TNRC18: variants seen among roughly 807,000 people sequenced by gnomAD.
The protein encoded by TNRC18 is trinucleotide repeat containing 18.
In TNRC18, 69 loss-of-function variants were observed where a neutral mutation model predicts 226.7. The ratio of observed to expected loss-of-function variants is 0.30; its 90% CI spans 0.25 to 0.37. TNRC18 has a LOEUF of 0.37. TNRC18 is among the 10% of genes least tolerant of loss of function. The pLI, the probability that TNRC18 is intolerant of heterozygous loss-of-function variation, is 1.00. For missense variants in TNRC18, 4,754 were observed against 4,256.6 expected, an observed-to-expected ratio of 1.12 and a Z score of -3.25; for synonymous variants, 2,449 against 1,927.6, an observed-to-expected ratio of 1.27 and a Z score of -7.09.
At chr7:5,371,713 T>C (rs1794173616) in intron 10 of TNRC18, among the ~76,000 whole-genome samples, 1 of 152,102 alleles carries the variant, frequency 6.6e-6, no homozygotes, top group South Asian at 2.1e-4. Context: ...TTACCCACCT[T>C]GTGTGGTCTG....
In TNRC18 at chr7:5,313,480, A is replaced by G; in HGVS notation, c.7411T>C (p.Ser2471Pro). ...LVKLDHEGVT[S>P]PKSKKAKEAL... ...TCTTTAGCCTTCTTGCTTTTGGGTGACGTGACACCCTCGTGGTCCAGTTTG... is the reference window on the plus strand; with the variant it reads ...TCTTTAGCCTTCTTGCTTTTGGGTGGCGTGACACCCTCGTGGTCCAGTTTG... The change falls in exon 27 of 30, where the codon TCA becomes CCA. Residue 2471 changes from serine (S) to proline (P), a missense_variant. Coordinates refer to ENST00000430969, the MANE Select transcript of TNRC18 (RefSeq NM_001080495.3). 1 of 1,613,184 alleles carries G rather than the reference A, an allele frequency of 6.2e-7. No homozygotes were observed. Among genetic ancestry groups the G allele is most frequent in the Non-Finnish European group, 8.5e-7 (1 of 1,179,530 alleles).
At chr7:5,354,288 G>A (rs1275441446) in intron 16 of TNRC18, among the ~76,000 whole-genome samples, 5 of 151,872 alleles carry the variant, frequency 3.3e-5, no homozygotes, top group Admixed American at 6.6e-5. Context: ...ACACCAGCTC[G>A]GAGCACCCCA....
At chr7:5,385,229 G>C (rs1421049313) in intron 5 of TNRC18, among the ~76,000 whole-genome samples, 1 of 152,194 alleles carries the variant, frequency 6.6e-6, no homozygotes, top group Admixed American at 6.5e-5. Flanking sequence ...GCTCACGCCT[G>C]TAATCCCAGG....
rs1791853307 is a variant in TNRC18, at chr7:5,351,864, C to G, written c.5425G>C (p.Ala1809Pro). The G allele has an allele frequency of 6.2e-7, 1 of 1,612,214 alleles. No individual in the cohort carries two copies. Among genetic ancestry groups the G allele is most frequent in the Non-Finnish European group, 8.5e-7 (1 of 1,179,122 alleles). The change falls in exon 17 of 30, where the codon GCG (alanine) becomes CCG (proline). Residue 1809 changes from alanine to proline, a missense_variant. Physicochemically the swap from Ala to Pro is conservative, Grantham distance 27 (BLOSUM62 -1). Transcript: ENST00000430969. ...GAAGAGTCGCTGAAGGAGGAACGCG[C>G]CTCGGCCTCTCGAAGCAGCAGACAA... is the stretch of plus-strand genomic sequence containing the variant. ...PFCLLLREAE[A>P]RSSFSDSSEE...
chr7:5,345,521 C>CCCCCCCCCCCCCCCCCCCCCCCCA, intron 18 of TNRC18, 41 bp downstream of exon 18: 3 of 189,874 alleles, frequency 1.6e-5, no homozygotes, highest in East Asian at 3.7e-4. Context: ...GCGTCCGCCC[C>CCCCCCCCCCCCCCCCCCCCCCCCA]TCCCACCCAC....
At chr7:5,316,432 A>C in intron 24 of TNRC18, among the ~76,000 whole-genome samples, 1 of 151,810 alleles carries the variant, frequency 6.6e-6, no homozygotes, top group South Asian at 2.1e-4. Flanking sequence ...GACATGCGCC[A>C]CCATGCCTGG....
intron 29 of TNRC18, among the ~76,000 whole-genome samples, 170 bp downstream of exon 29, chr7:5,308,705 G>A (rs189011699): frequency 8.6e-5 from 13 of 151,864 alleles, no homozygotes; most frequent in African/African-American, 2.9e-4. Flanking sequence ...GCACAGACCA[G>A]AGAGACAGAG....
rs569334900 is a variant in TNRC18 at position 5,322,628 on chromosome 7, C to T, written c.6443-1438G>A. Among the ~76,000 whole-genome samples, 9 of 152,312 alleles carry T rather than the reference C, an allele frequency of 5.9e-5. No homozygotes were observed. In the East Asian group the frequency reaches 9.7e-4, roughly 16 times the overall value. On this transcript the variant is annotated intron_variant, in intron 21 of 29. Transcript: ENST00000430969. Reference sequence around the variant, plus strand: ...CTTTCCATCCACTTTTTCTTTCTGGCGGAAATGAATGCCCGGGGGCAAACT... The same window carrying T: ...CTTTCCATCCACTTTTTCTTTCTGGTGGAAATGAATGCCCGGGGGCAAACT...
chr7:5,378,703 T>A (rs1583986649), intron 5 of TNRC18, among the ~76,000 whole-genome samples: 2 of 150,776 alleles, frequency 1.3e-5, no homozygotes, highest in Non-Finnish European at 3.0e-5. Context: ...CAGGCGTGAG[T>A]CACCGAGCCC....
chr7:5,313,607 G>A lies in TNRC18; in HGVS notation c.7284C>T (p.Ile2428=), dbSNP rs768835676. 1.0e-5 allele frequency: 16 copies of A among 1,603,246 alleles called. No individual in the cohort carries two copies. In the South Asian group the frequency reaches 1.6e-4, roughly 16 times the overall value. Residue 2428 remains isoleucine (I), a synonymous_variant, in exon 27 of 30, where the codon ATC becomes ATT. Coordinates refer to ENST00000430969, the MANE Select transcript of TNRC18 (RefSeq NM_001080495.3). ...PATSLAPAPL[I]TMPATRPKPK... ...GCTTGGGGCGTGTGGCAGGCATGGT[G>A]ATGAGGGGTGCTGGGGCCAGGGAGG... is the stretch of plus-strand genomic sequence containing the variant.
chr7:5,307,984 A>G lies in TNRC18; in HGVS notation c.*122T>C. 4 of 892,444 alleles carry G rather than the reference A, an allele frequency of 4.5e-6. No homozygotes were observed. The highest frequency in any genetic ancestry group is 1.6e-5 in the South Asian group (1 of 61,144). 55.3% of individuals were successfully genotyped at this position (892,444 alleles called of 1,614,324 possible). On this transcript the variant is annotated 3_prime_UTR_variant, in exon 30 of 30. Transcript: ENST00000430969. ...GGCATCCACGTGCACACCTGGCCCC[A>G]TGCACACGCCTGCAGGAGCGCTCGC... is the stretch of plus-strand genomic sequence containing the variant.
At chr7:5,416,111 CAAAA>C (rs35630581) in intron 2 of TNRC18, among the ~76,000 whole-genome samples, 1 of 83,182 alleles carries the variant, frequency 1.2e-5, no homozygotes, top group Admixed American at 1.4e-4. Flanking sequence ...GACTCTCTCG[CAAAA>C]AAAAAAAAAA....
At chr7:5,345,517 G>GGGGGGGGGGGGGCGCCCCCCCCCCCCC in intron 18 of TNRC18, 45 bp downstream of exon 18, 1 of 377,744 alleles carries the variant, frequency 2.6e-6, no homozygotes, top group Non-Finnish European at 4.8e-6. Context: ...AATGGCGTCC[G>GGGGGGGGGGGGGCGCCCCCCCCCCCCC]CCCCTCCCAC....
Position 5,362,786 on chromosome 7 carries a change from C to T in TNRC18, c.4259G>A (p.Ser1420Asn), listed in dbSNP as rs769678729. 1.3e-6 allele frequency: 2 copies of T among 1,572,752 alleles called. No homozygotes were observed. Among genetic ancestry groups the T allele is most frequent in the East Asian group, 4.7e-5 (2 of 42,588 alleles). ...CATGTGGCTGCCAGCTGCCAGCAGA[C>T]TCTCCAGGGAGGGCCGCGCCACCAG... Reference protein sequence around the residue: ...RALVARPSLESLLAAGSHMLR... With the variant: ...RALVARPSLENLLAAGSHMLR... The change falls in exon 12 of 30, where the codon AGT becomes AAT. Residue 1420 changes from serine (S) to asparagine (N), a missense_variant. Ser to Asn is a conservative substitution (Grantham distance 46, BLOSUM62 1). Coordinates refer to ENST00000430969, the MANE Select transcript of TNRC18 (RefSeq NM_001080495.3).
intron 19 of TNRC18, among the ~76,000 whole-genome samples, chr7:5,330,801 G>A (rs1366472407): frequency 1.3e-5 from 2 of 152,128 alleles, no homozygotes; most frequent in African/African-American, 2.4e-5. Context: ...AGCCTCCTGA[G>A]TAGCTGGGAT....
rs1780487409 is a variant in TNRC18, at chr7:5,394,077, TGAACTCAGG to T, written c.343+354_343+362del. Among the ~76,000 whole-genome samples the T allele has an allele frequency of 6.6e-6, 1 of 152,106 alleles. No individual in the cohort carries two copies. Among genetic ancestry groups the T allele is most frequent in the African/African-American group, 2.4e-5 (1 of 41,384 alleles). ...GTGCTGAGTAGATCACACTAGGCCC[TGAACTCAGG>T]GCTCACTCCGGTGGGAAAGCGGGTA... is the stretch of plus-strand genomic sequence containing the variant. On this transcript the variant is annotated intron_variant, in intron 3 of 29. Coordinates refer to ENST00000430969, the MANE Select transcript of TNRC18 (RefSeq NM_001080495.3). This position sits in a 1 kb window ranked among gnomAD's most constrained non-coding sequence, Gnocchi z 4.5.
Position 5,421,255 on chromosome 7 carries a change from G to C in TNRC18, c.-9C>G, listed in dbSNP as rs1175686714. 3.9e-6 allele frequency: 5 copies of C among 1,290,212 alleles called. No homozygotes were observed. Among genetic ancestry groups the C allele is most frequent in the Non-Finnish European group, 3.9e-6 (4 of 1,016,062 alleles). The allele number at this position is 1,290,212 out of a possible 1,614,324, so 79.9% of individuals were successfully genotyped here. The stretch of plus-strand genomic sequence containing the variant: ...AAGTCTCGGCCATCCATCCTCCGCG[G>C]GAGTGCCGCGATCAGCCCCCCACCC... On this transcript the variant is annotated 5_prime_UTR_variant, in exon 2 of 30. Transcript: ENST00000430969.
At chr7:5,397,770 G>A (rs558715024) in intron 2 of TNRC18, among the ~76,000 whole-genome samples, 12 of 152,004 alleles carry the variant, frequency 7.9e-5, no homozygotes, top group African/African-American at 2.9e-4. Flanking sequence ...ACAGCCACAC[G>A]ACCCAAGCAG....
rs756218820 is a variant in TNRC18 at position 5,345,800 on chromosome 7, C to T, written c.5481G>A (p.Ser1827=). ...SEESFDQDES[S]EEEDEEEELE... is the part of the protein sequence containing the mutation. ...GCTCCTCCTCCTCGTCCTCCTCCTCCGAGCTCTCATCTGGCGTGCAGAAAA... is the reference window on the plus strand; with the variant it reads ...GCTCCTCCTCCTCGTCCTCCTCCTCTGAGCTCTCATCTGGCGTGCAGAAAA... Residue 1827 remains serine (S), a synonymous_variant, in exon 18 of 30, where the codon TCG becomes TCA. Coordinates refer to ENST00000430969, the MANE Select transcript of TNRC18 (RefSeq NM_001080495.3). 5.8e-6 allele frequency: 9 copies of T among 1,543,712 alleles called. No individual in the cohort carries two copies. The East Asian group carries it at 7.3e-5, about 13-fold the overall frequency.
Sources: allele counts gnomAD v4.1 joint callset (sites outside exome capture counted in the v4.1 genomes callset), GRCh38; gene constraint gnomAD v4.1.1; non-coding constraint Gnocchi (gnomAD v3.1); transcripts MANE v1.5; gene names NCBI Gene and HGNC (gene_info 2026-07-23, HGNC 2026-07-21).